CCDC138: variants seen among roughly 807,000 people sequenced by gnomAD.
CCDC138 encodes the protein coiled-coil domain-containing protein 138.
CCDC138 carries 66 observed loss-of-function variants against 82.3 expected under a neutral mutation model. That is an observed-to-expected ratio of 0.80 (90% CI 0.66 to 0.98). The LOEUF is 0.98. Among genes scored for constraint, CCDC138 ranks in the 50% least tolerant of loss-of-function variants. CCDC138 has a pLI of 0.00. For synonymous variants in CCDC138, 297 were observed against 265.4 expected, an observed-to-expected ratio of 1.12 and a Z score of -1.16; for missense variants, 816 against 758.9, an observed-to-expected ratio of 1.08 and a Z score of -0.88.
Position 108,788,855 on chromosome 2 carries a change from A to G in CCDC138, c.155A>G (p.Asp52Gly). The G allele has an allele frequency of 4.3e-6, 7 of 1,614,010 alleles. No homozygotes were observed. Among genetic ancestry groups the G allele is most frequent in the Non-Finnish European group, 5.9e-6 (7 of 1,179,954 alleles). ...YKRRTLTSPG[D>G]LDIYSGDKVG... ...ATGGTTTCTTTGTCGTTGACAGGTGATTTGGATATCTACTCTGGAGATAAA... is the reference window on the plus strand; with the variant it reads ...ATGGTTTCTTTGTCGTTGACAGGTGGTTTGGATATCTACTCTGGAGATAAA... The change falls in exon 3 of 15, where the codon GAT becomes GGT. Residue 52 changes from aspartate (D) to glycine (G), a missense_variant. Asp to Gly is a moderately conservative substitution (Grantham distance 94). Coordinates refer to ENST00000295124, the MANE Select transcript of CCDC138 (RefSeq NM_144978.3).
At chr2:108,825,258 G>A (rs1013087934) in intron 10 of CCDC138, among the ~76,000 whole-genome samples, 3 of 126,902 alleles carry the variant, frequency 2.4e-5, no homozygotes, top group Non-Finnish European at 3.6e-5. Context: ...TCTTGTTTTT[G>A]TTCTGGTGGT....
chr2:108,880,210 CAAACA>C (rs1696252043), downstream of CCDC138, among the ~76,000 whole-genome samples: 1 of 6,914 alleles, frequency 1.4e-4, no homozygotes, highest in Non-Finnish European at 2.4e-4. Flanking sequence ...AAAACAACAA[CAAACA>C]AAAACAAACA....
At chr2:108,808,800 G>T (rs898670499) in intron 7 of CCDC138, among the ~76,000 whole-genome samples, 2 of 152,026 alleles carry the variant, frequency 1.3e-5, no homozygotes, top group Admixed American at 6.5e-5. Context: ...TCTGCAGGTT[G>T]TATCATTATT....
At chr2:108,830,426 G>T (rs111687621) in intron 10 of CCDC138, among the ~76,000 whole-genome samples, 153 of 152,314 alleles carry the variant, frequency 1.0e-3, no homozygotes, top group African/African-American at 3.5e-3. Context: ...TTCCAACAAA[G>T]TGTCAATTAG....
chr2:108,814,226 C>T (rs1684363637), intron 9 of CCDC138, among the ~76,000 whole-genome samples: 1 of 152,098 alleles, frequency 6.6e-6, no homozygotes, highest in East Asian at 1.9e-4. Flanking sequence ...GATACACTCC[C>T]ATTAACAGTG....
chr2:108,856,213 G>C (rs1692570493), intron 12 of CCDC138, among the ~76,000 whole-genome samples: 1 of 152,190 alleles, frequency 6.6e-6, no homozygotes, highest in Admixed American at 6.5e-5. Context: ...AGTTGTCACA[G>C]CACTGGCCTG....
chr2:108,862,594 G>A (rs919452673), intron 13 of CCDC138, among the ~76,000 whole-genome samples: 1 of 152,118 alleles, frequency 6.6e-6, no homozygotes, highest in African/African-American at 2.4e-5. Flanking sequence ...TAATGGATAT[G>A]TTATTTGGTT....
chr2:108,842,625 C>T (rs527574136), intron 11 of CCDC138, among the ~76,000 whole-genome samples: 9 of 152,140 alleles, frequency 5.9e-5, no homozygotes, highest in South Asian at 4.2e-4. Flanking sequence ...ACAAGTTGTG[C>T]GGGCTTCATC....
chr2:108,820,615 C>T (rs1395613765), intron 10 of CCDC138, among the ~76,000 whole-genome samples: 1 of 147,406 alleles, frequency 6.8e-6, no homozygotes, highest in Admixed American at 6.9e-5. Flanking sequence ...TGGTCACGTT[C>T]AAGGGAGTTC....
chr2:108,882,426 AACAG>A (rs990381884), intron 1 of CCDC138: 2 of 152,194 alleles, frequency 1.3e-5, no homozygotes, highest in African/African-American at 2.4e-5. Context: ...CCTTCTGATG[AACAG>A]ACAGAAGTGT....
downstream of CCDC138, among the ~76,000 whole-genome samples, chr2:108,877,704 G>C (rs746151866): frequency 1.2e-4 from 18 of 152,020 alleles, no homozygotes; most frequent in Non-Finnish European, 2.6e-4. Context: ...CAAGTGGAGC[G>C]GAAGCAATAT....
chr2:108,823,529 C>T (rs776091874), intron 10 of CCDC138, among the ~76,000 whole-genome samples: 38 of 152,204 alleles, frequency 2.5e-4, no homozygotes, highest in Non-Finnish European at 4.6e-4. Flanking sequence ...TAGCCTACTA[C>T]CAGCCTAGGC....
intron 13 of CCDC138, among the ~76,000 whole-genome samples, chr2:108,862,814 TAG>T (rs1693842685): frequency 6.6e-6 from 1 of 152,208 alleles, no homozygotes; most frequent in Non-Finnish European, 1.5e-5. Flanking sequence ...TTTACGTGGT[TAG>T]ATACTAGTGC....
At chr2:108,814,635 TTTTTG>T (rs1394846893) in intron 9 of CCDC138, among the ~76,000 whole-genome samples, 2 of 151,482 alleles carry the variant, frequency 1.3e-5, no homozygotes, top group Non-Finnish European at 2.9e-5. Flanking sequence ...TCTTTGAATT[TTTTTG>T]TTTTTTTATT....
chr2:108,800,830 A>C, intron 6 of CCDC138, among the ~76,000 whole-genome samples: 1 of 103,898 alleles, frequency 9.6e-6, no homozygotes. Context: ...TCCTGTGTCC[A>C]TGTGATCTCA....
chr2:108,839,487 T>C (rs1689104362), intron 11 of CCDC138, among the ~76,000 whole-genome samples, 186 bp downstream of exon 11: 1 of 152,190 alleles, frequency 6.6e-6, no homozygotes, highest in Admixed American at 6.5e-5. Context: ...ATAATTGACA[T>C]CTTTCCTTTG....
Position 108,794,597 on chromosome 2 carries a change from C to T in CCDC138, c.452C>T (p.Ala151Val). The T allele has an allele frequency of 6.2e-7, 1 of 1,614,034 alleles. No homozygotes were observed. Among genetic ancestry groups the T allele is most frequent in the Non-Finnish European group, 8.5e-7 (1 of 1,179,972 alleles). ...CCTCGGACTGAGTGTTGTAGTGATG[C>T]AGGTGACTCTCCTTTGAAACCTGTC... is the stretch of plus-strand genomic sequence containing the variant. ...SRPRTECCSDAGDSPLKPVSC... is the reference protein window; with the variant it reads ...SRPRTECCSDVGDSPLKPVSC... The change falls in exon 5 of 15, where the codon GCA becomes GTA. Residue 151 changes from alanine to valine, a missense_variant. Transcript: ENST00000295124.
chr2:108,817,056 C>A (rs563698059), intron 10 of CCDC138, among the ~76,000 whole-genome samples: 1 of 152,278 alleles, frequency 6.6e-6, no homozygotes, highest in East Asian at 1.9e-4. Context: ...TAAGTTTCAA[C>A]ATGACTTTTG....
In CCDC138 at chr2:108,839,306, T is replaced by C. The variant is rs763411780; in HGVS notation, c.1323+5T>C. 1.2e-5 allele frequency: 20 copies of C among 1,606,708 alleles called. No individual in the cohort carries two copies. Among genetic ancestry groups the C allele is most frequent in the South Asian group, 5.6e-5 (5 of 89,708 alleles). On this transcript the variant is annotated splice_donor_5th_base_variant and intron_variant, in intron 11 of 14. Transcript: ENST00000295124. ...CAGCTAGATGCTGGAGCACAGGTAA[T>C]TGGTTAATAGGAATTTATCTATAAG...
Sources: gnomAD v4.1 joint callset for allele counts (sites outside exome capture counted in the v4.1 genomes callset) on GRCh38, gnomAD v4.1.1 for gene constraint, MANE v1.5 for transcripts, NCBI Gene and HGNC (gene_info 2026-07-23, HGNC 2026-07-21) for gene names.